CSMD1: variants seen among roughly 807,000 people sequenced by gnomAD.
CSMD1 encodes CUB and Sushi multiple domains 1.
A neutral mutation model predicts 417.5 loss-of-function variants in CSMD1; 213 were observed. The observed-to-expected ratio is 0.51, with a 90% CI of 0.46 to 0.57. The LOEUF is 0.57. Among genes scored for constraint, CSMD1 ranks in the 20% least tolerant of loss-of-function variants. CSMD1 has a pLI of 0.00. For missense variants in CSMD1, 6,923 were observed against 4,529.7 expected (o/e 1.53, Z -15.17); for synonymous variants, 2,862 against 1,736.8 (o/e 1.65, Z -16.11).
rs888272986 is a variant in CSMD1, at chr8:4,696,026, T to G, written c.86-58468A>C. On this transcript the variant is annotated intron_variant, in intron 1 of 69. Transcript: ENST00000635120. The stretch of plus-strand genomic sequence containing the variant: ...CTTACTGCACATTAGTCAGGAGACT[T>G]TGAGGAACTTACAGAATCTCTATCT... Among the ~76,000 whole-genome samples the G allele has an allele frequency of 4.6e-5, 7 of 152,344 alleles. 1 individual carries two copies. Among genetic ancestry groups the G allele is most frequent in the South Asian group, 4.1e-4 (2 of 4,822 alleles).
intron 23 of CSMD1, among the ~76,000 whole-genome samples, chr8:3,340,745 A>G (rs1807589896): frequency 6.6e-6 from 1 of 152,154 alleles, no homozygotes; most frequent in Non-Finnish European, 1.5e-5. Context: ...TACTATTTTG[A>G]TTATATGGCC....
intron 3 of CSMD1, among the ~76,000 whole-genome samples, chr8:4,297,937 A>G (rs2128871445): frequency 6.6e-6 from 1 of 152,336 alleles, no homozygotes; most frequent in South Asian, 2.1e-4. Context: ...GCAAAGGAAA[A>G]TAAAAGGCTA....
chr8:4,721,185 T>C (rs570416428), intron 1 of CSMD1, among the ~76,000 whole-genome samples: 3 of 152,318 alleles, frequency 2.0e-5, no homozygotes, highest in East Asian at 1.9e-4. Context: ...TTGCGATCCA[T>C]ATACTTTGTC....
At chr8:3,676,678 A>G (rs1025240671) in intron 7 of CSMD1, among the ~76,000 whole-genome samples, 11 of 152,188 alleles carry the variant, frequency 7.2e-5, no homozygotes, top group Non-Finnish European at 1.5e-4. Flanking sequence ...ATCAAGTTCC[A>G]TATCTTAAAG....
At chr8:3,255,698 T>C (rs1800599984) in intron 26 of CSMD1, among the ~76,000 whole-genome samples, 1 of 152,100 alleles carries the variant, frequency 6.6e-6, no homozygotes, top group Admixed American at 6.6e-5. Flanking sequence ...TGGTGTGCCG[T>C]TTGCTAAGCC....
At chr8:4,246,302 C>T (rs533354167) in intron 3 of CSMD1, among the ~76,000 whole-genome samples, 33 of 152,178 alleles carry the variant, frequency 2.2e-4, no homozygotes, top group African/African-American at 7.5e-4. Flanking sequence ...GGTTAGTTTG[C>T]TTAGCATATT....
rs117993930 is a variant in CSMD1 at position 4,797,825 on chromosome 8, G to T, written c.86-160267C>A. ...TACTTGTGCTCATGTAACAAAAAAT[G>T]TATAATTATCAAGAGAAACCATATA... On this transcript the variant is annotated intron_variant, in intron 1 of 69. Transcript: ENST00000635120. 4.8e-3 allele frequency among the ~76,000 whole-genome samples: 733 copies of T among 152,230 alleles called. 11 individuals are homozygous for T. The highest frequency in any genetic ancestry group is 0.037 in the East Asian group (191 of 5,164).
intron 7 of CSMD1, among the ~76,000 whole-genome samples, chr8:3,708,086 G>C (rs566436472): frequency 9.2e-5 from 14 of 152,308 alleles, no homozygotes; most frequent in Admixed American, 7.8e-4. Flanking sequence ...GGTCTGGTGT[G>C]TGTGGGGTGT....
intron 4 of CSMD1, among the ~76,000 whole-genome samples, chr8:4,000,419 C>T (rs1815576196): frequency 6.6e-6 from 1 of 152,174 alleles, no homozygotes; most frequent in Non-Finnish European, 1.5e-5. Flanking sequence ...AAATCAGTAC[C>T]ATATAAAAAT....
intron 5 of CSMD1, among the ~76,000 whole-genome samples, chr8:3,760,972 G>A (rs1240872900): frequency 7.1e-6 from 1 of 141,512 alleles, no homozygotes; most frequent in Non-Finnish European, 1.6e-5. Context: ...TTTTTTTTTT[G>A]CATTTTCTGG....
At chr8:4,389,409 G>A (rs531627639) in intron 3 of CSMD1, among the ~76,000 whole-genome samples, 83 of 152,072 alleles carry the variant, frequency 5.5e-4, no homozygotes, top group Non-Finnish European at 9.0e-4. Context: ...TTAGACCATA[G>A]AAACATACGA....
chr8:4,326,941 C>A (rs1006828443), intron 3 of CSMD1, among the ~76,000 whole-genome samples: 2 of 152,096 alleles, frequency 1.3e-5, no homozygotes, highest in African/African-American at 4.8e-5. Flanking sequence ...CAAGGAATGT[C>A]TACTTTGGAA....
At chr8:4,490,262 G>C (rs1040092965) in intron 2 of CSMD1, among the ~76,000 whole-genome samples, 2 of 152,014 alleles carry the variant, frequency 1.3e-5, no homozygotes, top group Non-Finnish European at 2.9e-5. Flanking sequence ...GGTTGATCTT[G>C]AACTGCTGAC....
At chr8:3,876,947 T>G (rs189600927) in intron 5 of CSMD1, among the ~76,000 whole-genome samples, 1 of 152,208 alleles carries the variant, frequency 6.6e-6, no homozygotes, top group Non-Finnish European at 1.5e-5. Flanking sequence ...ATGATTTATT[T>G]AGAAGCACAA....
At chr8:4,398,386 TTC>T (rs1341384464) in intron 3 of CSMD1, among the ~76,000 whole-genome samples, 27 of 67,204 alleles carry the variant, frequency 4.0e-4, no homozygotes, top group African/African-American at 1.2e-3. Context: ...TTGCTGCAAC[TTC>T]TTTTTTTTTT....
At chr8:3,593,737 C>T (rs1483566127) in intron 8 of CSMD1, among the ~76,000 whole-genome samples, 2 of 152,082 alleles carry the variant, frequency 1.3e-5, no homozygotes, top group African/African-American at 2.4e-5. Context: ...ATTAATTCAA[C>T]TTCATATATC....
chr8:3,169,822 CT>C (rs1820468104), intron 37 of CSMD1, among the ~76,000 whole-genome samples: 2 of 152,166 alleles, frequency 1.3e-5, no homozygotes, highest in African/African-American at 4.8e-5. Flanking sequence ...CCACTTTCTT[CT>C]TTCTGGTGTC....
chr8:3,269,995 G>T (rs35814795), intron 26 of CSMD1, among the ~76,000 whole-genome samples: 1 of 150,528 alleles, frequency 6.6e-6, no homozygotes, highest in Non-Finnish European at 1.5e-5. Context: ...CCATCAACAT[G>T]CACGTAGACA....
chr8:4,245,545 A>C (rs977573498), intron 3 of CSMD1, among the ~76,000 whole-genome samples: 1 of 152,196 alleles, frequency 6.6e-6, no homozygotes, highest in Non-Finnish European at 1.5e-5. Flanking sequence ...CTGGGATGCT[A>C]AACATGAGGT....
Sources: allele counts gnomAD v4.1 joint callset (sites outside exome capture counted in the v4.1 genomes callset), GRCh38; gene constraint gnomAD v4.1.1; transcripts MANE v1.5; gene names NCBI Gene and HGNC (gene_info 2026-07-23, HGNC 2026-07-21).